Variants in NRG1 observed in about 807,000 individuals in gnomAD.
The protein encoded by NRG1 is pro-neuregulin-1, membrane-bound isoform.
NRG1 carries 18 observed loss-of-function variants against 63.8 expected under a neutral mutation model. The observed-to-expected ratio is 0.28, with a 90% CI of 0.19 to 0.42. The LOEUF (loss-of-function observed/expected upper bound fraction) is 0.42. NRG1 is among the 10% of genes least tolerant of loss of function. The pLI is 1.00. For synonymous variants in NRG1, 302 were observed against 301.3 expected (o/e 1.00, Z -0.02); for missense variants, 762 against 814.7 (o/e 0.94, Z 0.79).
At chr8:32,312,364 G>A (rs142226321) in intron 1 of NRG1, among the ~76,000 whole-genome samples, 1,721 of 123,030 alleles carry the variant, frequency 0.014, 44 homozygotes, top group African/African-American at 0.051. Context: ...TAGTAGAGAC[G>A]GGATTTCACT....
At chr8:32,352,123 C>T (rs1049009438) in intron 1 of NRG1, among the ~76,000 whole-genome samples, 12 of 149,168 alleles carry the variant, frequency 8.0e-5, no homozygotes, top group African/African-American at 1.2e-4. Flanking sequence ...CTTAAAGATC[C>T]GAAGTTTTCT....
At position 31,712,111 on chromosome 8, in the gene NRG1, C is replaced by CT. The variant is rs139492273; in HGVS notation, c.37+72687dup. Among the ~76,000 whole-genome samples, 440 of 151,840 alleles carry CT rather than the reference C, an allele frequency of 2.9e-3. 6 individuals carry two copies. The highest frequency in any genetic ancestry group is 9.1e-3 in the African/African-American group (375 of 41,396). On this transcript the variant is annotated intron_variant, in intron 1 of 10. Transcript: ENST00000519301. Reference sequence around the variant, plus strand: ...TTTATTTTCATTTTATTTTGTTCTCCTTTTTTTAATTAGCCTTTATGTTCC... The same window carrying CT: ...TTTATTTTCATTTTATTTTGTTCTCCTTTTTTTTAATTAGCCTTTATGTTCC...
At chr8:31,846,985 G>T (rs1272041677) in intron 1 of NRG1, among the ~76,000 whole-genome samples, 2 of 152,178 alleles carry the variant, frequency 1.3e-5, no homozygotes, top group African/African-American at 4.8e-5. Flanking sequence ...TTTGCTGAAT[G>T]AATGAACTCA....
intron 1 of NRG1, among the ~76,000 whole-genome samples, chr8:32,016,018 G>A (rs1201444048): frequency 1.3e-5 from 2 of 152,118 alleles, no homozygotes; most frequent in Admixed American, 1.3e-4. Flanking sequence ...GCAAAGGCAT[G>A]TATTGAGGTC....
intron 1 of NRG1, among the ~76,000 whole-genome samples, chr8:32,362,089 G>A (rs1297126717): frequency 6.6e-6 from 1 of 152,090 alleles, no homozygotes; most frequent in Non-Finnish European, 1.5e-5. Context: ...TAGTTTAGAT[G>A]GAATCATATT....
At chr8:31,913,439 A>G (rs1833113858) in intron 1 of NRG1, among the ~76,000 whole-genome samples, 4 of 152,204 alleles carry the variant, frequency 2.6e-5, no homozygotes, top group Admixed American at 2.6e-4. Context: ...ATGTCTTTCA[A>G]ATGAGGAGAT....
chr8:31,738,734 G>A (rs1456621953), intron 1 of NRG1, among the ~76,000 whole-genome samples: 1 of 152,056 alleles, frequency 6.6e-6, no homozygotes, highest in African/African-American at 2.4e-5. Context: ...GGCCATGTCT[G>A]TCAATCCTTG....
intron 1 of NRG1, among the ~76,000 whole-genome samples, chr8:31,946,912 T>C (rs1356410629): frequency 6.6e-6 from 1 of 152,264 alleles, no homozygotes; most frequent in East Asian, 1.9e-4. Context: ...CTCCATGCCA[T>C]ATTGTTTCTC....
At chr8:32,112,516 C>A (rs1005202490) in intron 1 of NRG1, among the ~76,000 whole-genome samples, 1 of 152,150 alleles carries the variant, frequency 6.6e-6, no homozygotes, top group Non-Finnish European at 1.5e-5. Flanking sequence ...ATCCATCTTG[C>A]AAAGCAAATT....
At chr8:32,618,264 G>T (rs559468917) in intron 5 of NRG1, among the ~76,000 whole-genome samples, 2 of 150,874 alleles carry the variant, frequency 1.3e-5, no homozygotes, top group African/African-American at 2.4e-5. Context: ...TTGGCATTTT[G>T]TCTGGAAATA....
chr8:32,255,044 G>T (rs985651807), intron 1 of NRG1, among the ~76,000 whole-genome samples: 1 of 152,034 alleles, frequency 6.6e-6, no homozygotes. Flanking sequence ...TCCATATCTT[G>T]GTAAATATTC....
At chr8:31,845,029 C>T (rs1397990262) in intron 1 of NRG1, among the ~76,000 whole-genome samples, 31 of 152,034 alleles carry the variant, frequency 2.0e-4, no homozygotes, top group Non-Finnish European at 3.8e-4. Flanking sequence ...ATCATTCAAA[C>T]CCGGGAGGCG....
intron 1 of NRG1, among the ~76,000 whole-genome samples, chr8:31,840,864 A>G (rs1426369384): frequency 6.6e-6 from 1 of 152,150 alleles, no homozygotes; most frequent in Non-Finnish European, 1.5e-5. Context: ...CATTAGGGGC[A>G]TGCTTTCAGT....
chr8:31,895,266 C>T (rs1831488265), intron 1 of NRG1, among the ~76,000 whole-genome samples: 1 of 152,180 alleles, frequency 6.6e-6, no homozygotes, highest in African/African-American at 2.4e-5. Flanking sequence ...AGCCAGGTCC[C>T]CAAAGAAGTC....
At chr8:32,548,587 C>G (rs1240035525) in exon 1 of NRG1, 8 of 1,337,280 alleles carry the variant, frequency 6.0e-6, no homozygotes, top group Non-Finnish European at 7.6e-6. Context: ...GGGAGACGCC[C>G]CCGCGCAGCG....
intron 1 of NRG1, among the ~76,000 whole-genome samples, chr8:32,574,357 C>T (rs1357170493): frequency 6.6e-6 from 1 of 152,058 alleles, no homozygotes; most frequent in African/African-American, 2.4e-5. Flanking sequence ...TAAACTTACC[C>T]AAATATATAA....
intron 1 of NRG1, among the ~76,000 whole-genome samples, chr8:31,878,780 C>T (rs956962666): frequency 1.3e-5 from 2 of 152,166 alleles, no homozygotes; most frequent in African/African-American, 4.8e-5. Context: ...TTGTTGCTGT[C>T]TGCTGGATAA....
intron 1 of NRG1, among the ~76,000 whole-genome samples, chr8:32,582,194 C>T (rs1840792683): frequency 6.6e-6 from 1 of 151,466 alleles, no homozygotes; most frequent in Non-Finnish European, 1.5e-5. Context: ...ACCTCCTGGG[C>T]TCAAGTGCTC....
chr8:31,915,175 G>T (rs1413792145), intron 1 of NRG1, among the ~76,000 whole-genome samples: 1 of 151,896 alleles, frequency 6.6e-6, no homozygotes, highest in African/African-American at 2.4e-5. Context: ...CTGAGGACTG[G>T]TGATTCAAAA....
Sources: gnomAD v4.1 joint callset for allele counts (sites outside exome capture counted in the v4.1 genomes callset) on GRCh38, gnomAD v4.1.1 for gene constraint, MANE v1.5 for transcripts, NCBI Gene and HGNC (gene_info 2026-07-23, HGNC 2026-07-21) for gene names.